The following SOX5 variants were observed in gnomAD, a reference collection of about 807,000 sequenced individuals.
SOX5 encodes the protein transcription factor SOX-5.
SOX5 carries 9 observed loss-of-function variants against 92.0 expected under a neutral mutation model. The observed-to-expected ratio is 0.10, with a 90% CI of 0.06 to 0.17. The LOEUF (loss-of-function observed/expected upper bound fraction) is 0.17, where lower values mean the gene tolerates loss of function less well. SOX5 is among the 10% of genes least tolerant of loss of function. The pLI, the probability that SOX5 is intolerant of heterozygous loss-of-function variation, is 1.00. For synonymous variants in SOX5, 344 were observed against 336.3 expected, an observed-to-expected ratio of 1.02 and a Z score of -0.25; for missense variants, 642 against 944.5, an observed-to-expected ratio of 0.68 and a Z score of 4.20.
intron 6 of SOX5, among the ~76,000 whole-genome samples, chr12:23,704,703 T>TGGGC (rs1485923581): frequency 3.0e-5 from 4 of 131,260 alleles, no homozygotes; most frequent in Non-Finnish European, 6.7e-5. Context: ...TATATATATA[T>TGGGC]ATATATATAT....
At chr12:23,959,708 A>G (rs1946680197) in intron 4 of SOX5, among the ~76,000 whole-genome samples, 2 of 152,204 alleles carry the variant, frequency 1.3e-5, no homozygotes, top group South Asian at 2.1e-4. Context: ...CAACAAGTCA[A>G]TAGTAAAATA....
At chr12:23,578,271 C>G (rs1258621911) in intron 9 of SOX5, among the ~76,000 whole-genome samples, 1 of 148,638 alleles carries the variant, frequency 6.7e-6, no homozygotes, top group African/African-American at 2.5e-5. Flanking sequence ...ACATTTTAAT[C>G]TAGTATGAAT....
At chr12:24,127,661 A>AT (rs2138430849) in intron 4 of SOX5, among the ~76,000 whole-genome samples, 1 of 152,222 alleles carries the variant, frequency 6.6e-6, no homozygotes, top group African/African-American at 2.4e-5. Flanking sequence ...AGGCATTTAC[A>AT]TTTTTAAACC....
intron 12 of SOX5, 77 bp downstream of exon 12, chr12:23,546,239 T>G (rs1424474826): frequency 1.2e-6 from 1 of 825,988 alleles, no homozygotes; most frequent in Admixed American, 2.0e-5. Context: ...GTCTAGTCTA[T>G]TTTTTAGCAG....
chr12:24,444,407 T>C (rs1232716000), intron 1 of SOX5, among the ~76,000 whole-genome samples: 1 of 152,078 alleles, frequency 6.6e-6, no homozygotes, highest in Non-Finnish European at 1.5e-5. Context: ...ATGAATGTAA[T>C]GATTCAAGAA....
intron 4 of SOX5, among the ~76,000 whole-genome samples, chr12:24,141,402 A>G (rs1304027481): frequency 6.6e-6 from 1 of 152,220 alleles, no homozygotes; most frequent in African/African-American, 2.4e-5. Context: ...AGGAAGTTAG[A>G]AGGTTTTTCA....
intron 6 of SOX5, among the ~76,000 whole-genome samples, chr12:23,676,725 GC>G (rs1399870196): frequency 2.0e-5 from 3 of 152,210 alleles, no homozygotes; most frequent in African/African-American, 7.2e-5. Context: ...GTAAAGTAAT[GC>G]CTTGAATTAT....
At chr12:23,684,383 A>C (rs555926661) in intron 6 of SOX5, among the ~76,000 whole-genome samples, 1 of 152,122 alleles carries the variant, frequency 6.6e-6, no homozygotes, top group South Asian at 2.1e-4. Context: ...CTGGAGAGAA[A>C]GAGAAATATT....
At chr12:23,724,713 A>C (rs1162100103) in intron 6 of SOX5, among the ~76,000 whole-genome samples, 2 of 152,186 alleles carry the variant, frequency 1.3e-5, no homozygotes, top group African/African-American at 2.4e-5. Flanking sequence ...CCTGACAAGC[A>C]TGGCATTTGA....
At chr12:23,652,233 A>G (rs2081668641) in intron 7 of SOX5, among the ~76,000 whole-genome samples, 1 of 152,032 alleles carries the variant, frequency 6.6e-6, no homozygotes, top group East Asian at 1.9e-4. Flanking sequence ...TTCTTCTCTA[A>G]TTATATCTAT....
chr12:24,109,395 G>T (rs985276820), intron 4 of SOX5, among the ~76,000 whole-genome samples: 2 of 151,184 alleles, frequency 1.3e-5, no homozygotes, highest in African/African-American at 2.4e-5. Flanking sequence ...TTTTGTTTAA[G>T]ATATTTATCT....
chr12:24,449,238 T>A (rs988964143), intron 1 of SOX5, among the ~76,000 whole-genome samples: 2 of 152,148 alleles, frequency 1.3e-5, no homozygotes, highest in African/African-American at 4.8e-5. Flanking sequence ...ACAAAAAAAA[T>A]TCTAATTCCT....
At chr12:23,760,502 C>T (rs2043682749) in intron 3 of SOX5, among the ~76,000 whole-genome samples, 1 of 152,104 alleles carries the variant, frequency 6.6e-6, no homozygotes, top group Admixed American at 6.6e-5. Context: ...TTTCTTTCTG[C>T]CAACAGGACC....
At chr12:23,697,640 T>C (rs1469862076) in intron 6 of SOX5, among the ~76,000 whole-genome samples, 1 of 152,192 alleles carries the variant, frequency 6.6e-6, no homozygotes, top group Non-Finnish European at 1.5e-5. Flanking sequence ...AACCTCTGCC[T>C]CCCAGATTCA....
intron 4 of SOX5, among the ~76,000 whole-genome samples, chr12:24,101,595 G>A (rs765232319): frequency 5.9e-5 from 9 of 151,966 alleles, no homozygotes; most frequent in African/African-American, 7.3e-5. Flanking sequence ...GTAAACCGTC[G>A]AATAAATGAA....
intron 4 of SOX5, among the ~76,000 whole-genome samples, chr12:24,010,821 C>T (rs1952830198): frequency 6.6e-6 from 1 of 151,984 alleles, no homozygotes; most frequent in Non-Finnish European, 1.5e-5. Context: ...TGCCTGTAGT[C>T]CCAGCTATTC....
At chr12:24,108,517 T>G (rs2138096626) in intron 4 of SOX5, among the ~76,000 whole-genome samples, 1 of 152,270 alleles carries the variant, frequency 6.6e-6, no homozygotes, top group African/African-American at 2.4e-5. Flanking sequence ...AAGTTAACTC[T>G]CTAATTATTT....
At chr12:24,539,930 A>G (rs769984360) in intron 1 of SOX5, among the ~76,000 whole-genome samples, 7 of 152,034 alleles carry the variant, frequency 4.6e-5, no homozygotes, top group Non-Finnish European at 7.4e-5. Flanking sequence ...TTCTTTACTG[A>G]TGGCTAAGAA....
chr12:23,635,531 G>A (rs1425961560), intron 8 of SOX5, among the ~76,000 whole-genome samples: 1 of 152,052 alleles, frequency 6.6e-6, no homozygotes, highest in Non-Finnish European at 1.5e-5. Context: ...CGTGGGGTGG[G>A]AGGAGGGGGG....
Sources: allele counts gnomAD v4.1 joint callset (sites outside exome capture counted in the v4.1 genomes callset), GRCh38; gene constraint gnomAD v4.1.1; transcripts MANE v1.5; gene names NCBI Gene and HGNC (gene_info 2026-07-23, HGNC 2026-07-21).